ADGRG4: variants seen among roughly 807,000 people sequenced by gnomAD.
ADGRG4 encodes G protein-coupled receptor 112.
Under a neutral mutation model 126.2 loss-of-function variants are expected in ADGRG4, and 122 were observed. That is an observed-to-expected ratio of 0.97 (90% CI 0.83 to 1.12). ADGRG4 has a LOEUF of 1.12. ADGRG4 is among the 50% of genes most tolerant of loss of function. The probability of loss-of-function intolerance (pLI) is 0.00; values close to 1 mark genes in which losing one functional copy is unlikely to be tolerated. For missense variants in ADGRG4, 2,481 were observed against 2,251.8 expected (o/e 1.10, Z -2.06); for synonymous variants, 943 against 838.7 (o/e 1.12, Z -2.15).
At chrX:136,306,370 T>C (rs1259660742) in intron 3 of ADGRG4, among the ~76,000 whole-genome samples, 4 of 111,971 alleles carry the variant, frequency 3.6e-5, no homozygotes, top group Non-Finnish European at 7.5e-5. Flanking sequence ...TCTTTTCCTC[T>C]TTCTTTACTT....
rs369448112 is a variant in ADGRG4, at chrX:136,356,206, T to C, written c.6927+41T>C. The C allele has an allele frequency of 4.9e-5, 46 of 931,823 alleles. No homozygotes were observed. In the African/African-American group the frequency reaches 6.7e-4, roughly 14 times the overall value. The allele number at this position is 931,823 out of a possible 1,213,427, so 76.8% of individuals were successfully genotyped here. A position where few individuals can be genotyped will look rare whatever the true frequency, so the allele number is the denominator to read the frequency against. On this transcript the variant is annotated intron_variant, in intron 9 of 25. Coordinates refer to ENST00000394143, the MANE Select transcript of ADGRG4 (RefSeq NM_153834.4). The stretch of plus-strand genomic sequence containing the variant: ...AAATGAATCTACTTGTGACCTATCC[T>C]ATGCCTGATTAGATGTAAGTCAATA...
At position 136,350,408 on chromosome X, in the gene ADGRG4, T is replaced by C; in HGVS notation, c.6702T>C (p.Thr2234=). Residue 2234 remains threonine (T), a synonymous_variant, in exon 6 of 26, where the codon ACT becomes ACC. Coordinates refer to ENST00000394143, the MANE Select transcript of ADGRG4 (RefSeq NM_153834.4). ...TPSFLSTEAS[T]SPTATKSTVS... is the part of the protein sequence containing the mutation. Reference sequence around the variant, plus strand: ...CCTTTCTATCTACGGAAGCATCGACTTCGCCTACTGCCACCAAGTCCACAG... The same window carrying C: ...CCTTTCTATCTACGGAAGCATCGACCTCGCCTACTGCCACCAAGTCCACAG... 8.3e-7 allele frequency: 1 copy of C among 1,206,963 alleles called. No individual in the cohort carries two copies. The highest frequency in any genetic ancestry group is 1.1e-6 in the Non-Finnish European group (1 of 893,287).
In ADGRG4 at chrX:136,345,352, C is replaced by T. The variant is rs746435155; in HGVS notation, c.1646C>T (p.Ser549Leu). The stretch of plus-strand genomic sequence containing the variant: ...GAAGATGCCATGTCTACTTCCATGT[C>T]GAAAGAGACCTCCTCTAAGACCTTT... The part of the protein sequence containing the change: ...RVEDAMSTSM[S>L]KETSSKTFSF... The change falls in exon 6 of 26, where the codon TCG becomes TTG. Residue 549 changes from serine (S) to leucine (L), a missense_variant. Physicochemically the swap from Ser to Leu is moderately radical, Grantham distance 145 (BLOSUM62 -2). Transcript: ENST00000394143. 9.9e-6 allele frequency: 12 copies of T among 1,208,618 alleles called. No individual in the cohort carries two copies. The African/African-American group carries it at 1.0e-4, about 11-fold the overall frequency.
intron 13 of ADGRG4, among the ~76,000 whole-genome samples, chrX:136,370,160 C>T (rs183926804): frequency 1.1e-3 from 127 of 111,389 alleles, no homozygotes; most frequent in African/African-American, 4.0e-3. Flanking sequence ...GAATTTTATG[C>T]TGAATTATTT....
Position 136,347,613 on chromosome X carries a change from G to C in ADGRG4, c.3907G>C (p.Glu1303Gln). 8.3e-7 allele frequency: 1 copy of C among 1,208,832 alleles called. No homozygotes were observed. The highest frequency in any genetic ancestry group is 1.1e-6 in the Non-Finnish European group (1 of 893,734). The change falls in exon 6 of 26, where the codon GAG becomes CAG. Residue 1303 changes from glutamate (E) to glutamine (Q), a missense_variant. Physicochemically the swap from Glu to Gln is conservative, Grantham distance 29. Transcript: ENST00000394143. ...SLEMTDTGFPETTKISSHQTH... is the reference protein window; with the variant it reads ...SLEMTDTGFPQTTKISSHQTH... ...GGAAATGACAGATACAGGATTTCCT[G>C]AGACCACAAAAATTTCCAGTCACCA...
chrX:136,329,803 C>G (rs908634822), intron 5 of ADGRG4, among the ~76,000 whole-genome samples: 1 of 110,065 alleles, frequency 9.1e-6, no homozygotes, highest in East Asian at 2.8e-4. Flanking sequence ...CACCCCACCC[C>G]GAGTAGCTAG....
chrX:136,410,141 C>T (rs958602043), intron 23 of ADGRG4, among the ~76,000 whole-genome samples: 18 of 112,403 alleles, frequency 1.6e-4, no homozygotes, highest in East Asian at 8.3e-4. Context: ...TGGTTCTAAC[C>T]GGGCAACTGT....
At chrX:136,332,127 G>A in intron 5 of ADGRG4, among the ~76,000 whole-genome samples, 1 of 106,889 alleles carries the variant, frequency 9.4e-6, no homozygotes, top group Non-Finnish European at 1.9e-5. Flanking sequence ...CTAGCATTAG[G>A]TATATCTCCC....
At chrX:136,364,597 T>C (rs2075147815) in intron 13 of ADGRG4, among the ~76,000 whole-genome samples, 1 of 112,063 alleles carries the variant, frequency 8.9e-6, no homozygotes, top group African/African-American at 3.2e-5. Flanking sequence ...TGTACAACTA[T>C]TTTTGTGTTT....
At position 136,349,097 on chromosome X, in the gene ADGRG4, G is replaced by T; in HGVS notation, c.5391G>T (p.Lys1797Asn). The T allele has an allele frequency of 8.3e-7, 1 of 1,207,712 alleles. No homozygotes were observed. Among genetic ancestry groups the T allele is most frequent in the African/African-American group, 1.7e-5 (1 of 57,710 alleles). ...ATTGCTTTTCTTCTAATACTAGAAAGATGACTTCCTTGTTAGAAAAGACTT... is the reference window on the plus strand; with the variant it reads ...ATTGCTTTTCTTCTAATACTAGAAATATGACTTCCTTGTTAGAAAAGACTT... ...TTNCFSSNTR[K>N]MTSLLEKTSL... The change falls in exon 6 of 26, where the codon AAG becomes AAT. Residue 1797 changes from lysine (K) to asparagine (N), a missense_variant. By Grantham distance (94) the Lys-to-Asn change is moderately conservative (BLOSUM62 0). Coordinates refer to ENST00000394143, the MANE Select transcript of ADGRG4 (RefSeq NM_153834.4).
Position 136,397,895 on chromosome X carries a change from T to G in ADGRG4, c.8199T>G (p.Ser2733=). 1 of 1,204,494 alleles carries G rather than the reference T, an allele frequency of 8.3e-7. No homozygotes were observed. ...HFGVLMDLSR[S]TVDSVNEQIL... ...GTGTTCCTTAGGATTTATCCAGGTC[T>G]ACAGTGGATTCAGTGAATGAACAGA... is the stretch of plus-strand genomic sequence containing the variant. The change falls in exon 20 of 26, where the codon TCT becomes TCG. Residue 2733 remains serine, a synonymous_variant. Coordinates refer to ENST00000394143, the MANE Select transcript of ADGRG4 (RefSeq NM_153834.4).
chrX:136,319,218 G>A (rs2074823427), intron 4 of ADGRG4, among the ~76,000 whole-genome samples: 1 of 112,497 alleles, frequency 8.9e-6, no homozygotes, highest in Admixed American at 9.4e-5. Flanking sequence ...CCTGCTGGAG[G>A]CCCAGAGGCT....
intron 23 of ADGRG4, among the ~76,000 whole-genome samples, chrX:136,409,724 C>A (rs1231054247): frequency 8.9e-6 from 1 of 112,116 alleles, no homozygotes; most frequent in Non-Finnish European, 1.9e-5. Context: ...AGGGCTGGGG[C>A]TAGGGAGCCA....
At position 136,383,355 on chromosome X, in the gene ADGRG4, C is replaced by G. The variant is rs140001691; in HGVS notation, c.7777-4385C>G. Among the ~76,000 whole-genome samples the G allele has an allele frequency of 6.0e-3, 674 of 111,523 alleles. 2 individuals carry two copies. Among genetic ancestry groups the G allele is most frequent in the African/African-American group, 0.02 (609 of 30,710 alleles). On this transcript the variant is annotated intron_variant, in intron 15 of 25. Transcript: ENST00000394143. ...CACATATACATTTGTGTTGGTTTGT[C>G]TTTCTAATACTAATCCTACCCCTAA...
In ADGRG4 at chrX:136,370,262, G is replaced by C. The variant is rs373944487; in HGVS notation, c.7397-1066G>C. 1.4e-3 allele frequency among the ~76,000 whole-genome samples: 153 copies of C among 111,880 alleles called. 4 individuals are homozygous for C. The South Asian group carries it at 0.054, about 40-fold the overall frequency. ...CTCTCTGGAATTTTTCTTAACAAAT[G>C]GTATTTTTTATTATTTTCCTTTATA... is the stretch of plus-strand genomic sequence containing the variant. On this transcript the variant is annotated intron_variant, in intron 13 of 25. Coordinates refer to ENST00000394143, the MANE Select transcript of ADGRG4 (RefSeq NM_153834.4).
At chrX:136,341,956 T>A (rs1233073263) in intron 5 of ADGRG4, among the ~76,000 whole-genome samples, 1 of 112,136 alleles carries the variant, frequency 8.9e-6, no homozygotes, top group Admixed American at 9.4e-5. Context: ...AATACTAATT[T>A]CCCTAAGGTA....
At chrX:136,389,846 T>A (rs2075310298) in intron 16 of ADGRG4, among the ~76,000 whole-genome samples, 1 of 112,013 alleles carries the variant, frequency 8.9e-6, no homozygotes, top group Non-Finnish European at 1.9e-5. Context: ...CAGACCTAAA[T>A]GTTCTAACAT....
At chrX:136,324,094 C>A (rs1227652564) in intron 5 of ADGRG4, among the ~76,000 whole-genome samples, 1 of 111,770 alleles carries the variant, frequency 8.9e-6, no homozygotes, top group African/African-American at 3.2e-5. Context: ...AGTAGACACA[C>A]GGTGACAATT....
chrX:136,344,369 C>T (rs2074997486), intron 5 of ADGRG4, 23 bp from the exon 6 acceptor site: 5 of 1,064,341 alleles, frequency 4.7e-6, no homozygotes, highest in Non-Finnish European at 6.3e-6. Flanking sequence ...TCCAAAATAA[C>T]ACATTCTTTC....
Sources: allele counts gnomAD v4.1 joint callset (sites outside exome capture counted in the v4.1 genomes callset), GRCh38; gene constraint gnomAD v4.1.1; transcripts MANE v1.5; gene names NCBI Gene and HGNC (gene_info 2026-07-23, HGNC 2026-07-21).